The following CNTNAP2 variants were observed in gnomAD, a reference collection of about 807,000 sequenced individuals.
CNTNAP2 encodes the protein contactin-associated protein-like 2.
In CNTNAP2, 98 loss-of-function variants were observed where a neutral mutation model predicts 155.2. The ratio of observed to expected loss-of-function variants is 0.63; its 90% CI spans 0.54 to 0.75. The LOEUF (loss-of-function observed/expected upper bound fraction) is 0.75. Among genes scored for constraint, CNTNAP2 ranks in the 30% least tolerant of loss-of-function variants. The pLI is 0.00. For synonymous variants in CNTNAP2, 651 were observed against 631.2 expected (o/e 1.03, Z -0.47); for missense variants, 1,727 against 1,688.1 (o/e 1.02, Z -0.40).
chr7:147,586,567 G>A (rs78288861), intron 12 of CNTNAP2, among the ~76,000 whole-genome samples: 2,250 of 57,088 alleles, frequency 0.039, 41 homozygotes, highest in East Asian at 0.06. Flanking sequence ...GGGAGGGAGG[G>A]AGGGAGGGAG....
At chr7:147,315,448 T>C (rs1004874284) in intron 9 of CNTNAP2, among the ~76,000 whole-genome samples, 1 of 148,840 alleles carries the variant, frequency 6.7e-6, no homozygotes. Flanking sequence ...ATCTACTACT[T>C]CCTGTCTCTA....
intron 3 of CNTNAP2, among the ~76,000 whole-genome samples, chr7:146,896,400 C>A (rs1023139862): frequency 6.6e-6 from 1 of 152,068 alleles, no homozygotes; most frequent in African/African-American, 2.4e-5. Flanking sequence ...AATTCCCCAA[C>A]CACGTGTACA....
chr7:148,024,255 G>C (rs1802338296), intron 15 of CNTNAP2, among the ~76,000 whole-genome samples: 1 of 151,152 alleles, frequency 6.6e-6, no homozygotes, highest in Admixed American at 6.6e-5. Context: ...ACCACAAGTA[G>C]TTAGAGCTCA....
chr7:146,218,002 C>G (rs1584807324), intron 1 of CNTNAP2, among the ~76,000 whole-genome samples: 2 of 152,094 alleles, frequency 1.3e-5, no homozygotes, highest in African/African-American at 4.8e-5. Context: ...ACTTAAAATA[C>G]ATGTTTTTTA....
At chr7:147,796,717 G>T (rs1797902065) in intron 13 of CNTNAP2, among the ~76,000 whole-genome samples, 1 of 152,150 alleles carries the variant, frequency 6.6e-6, no homozygotes, top group Non-Finnish European at 1.5e-5. Context: ...ACCAAGCACA[G>T]CTGGGCAAGG....
chr7:148,167,145 T>G (rs1585162965), intron 17 of CNTNAP2, among the ~76,000 whole-genome samples: 1 of 152,276 alleles, frequency 6.6e-6, no homozygotes, highest in East Asian at 1.9e-4. Context: ...TTTTATTTAT[T>G]TATTTATTTA....
chr7:147,457,728 A>G (rs1797945138), intron 10 of CNTNAP2, among the ~76,000 whole-genome samples: 1 of 151,904 alleles, frequency 6.6e-6, no homozygotes, highest in African/African-American at 2.4e-5. Context: ...TCTTACAATT[A>G]TATTTTATTT....
intron 13 of CNTNAP2, among the ~76,000 whole-genome samples, chr7:147,745,473 C>T (rs1797023123): frequency 6.6e-6 from 1 of 152,196 alleles, no homozygotes. Context: ...TCCCTGTCAA[C>T]CATCAACCAA....
At chr7:147,568,309 T>G (rs1159898723) in intron 12 of CNTNAP2, among the ~76,000 whole-genome samples, 2 of 152,206 alleles carry the variant, frequency 1.3e-5, no homozygotes, top group Admixed American at 1.3e-4. Context: ...TATTTCTTGC[T>G]AAGTTTGACA....
At chr7:147,525,280 C>T (rs1262083888) in intron 11 of CNTNAP2, among the ~76,000 whole-genome samples, 2 of 152,108 alleles carry the variant, frequency 1.3e-5, no homozygotes. Context: ...TGGCAAATGA[C>T]ATGTGTGTCT....
rs1718602170 is a variant in CNTNAP2 at position 147,865,578 on chromosome 7, G to T, written c.2099-37987G>T. 3.9e-5 allele frequency among the ~76,000 whole-genome samples: 6 copies of T among 152,146 alleles called. No homozygotes were observed. The South Asian group carries it at 1.0e-3, about 26-fold the overall frequency. On this transcript the variant is annotated intron_variant, in intron 13 of 23. Coordinates refer to ENST00000361727, the MANE Select transcript of CNTNAP2 (RefSeq NM_014141.6). ...GTTCTGGACTTTTTTTGATTGGTAGGCTATTAATTATTGCCTCAATTTCAG... is the reference window on the plus strand; with the variant it reads ...GTTCTGGACTTTTTTTGATTGGTAGTCTATTAATTATTGCCTCAATTTCAG...
intron 8 of CNTNAP2, among the ~76,000 whole-genome samples, chr7:147,223,292 C>G (rs961002626): frequency 6.6e-6 from 1 of 152,114 alleles, no homozygotes; most frequent in Non-Finnish European, 1.5e-5. Flanking sequence ...TTTGGGTGCA[C>G]AAATCTATAG....
chr7:147,026,310 CA>C (rs1267347975), intron 3 of CNTNAP2, among the ~76,000 whole-genome samples: 1 of 152,104 alleles, frequency 6.6e-6, no homozygotes, highest in African/African-American at 2.4e-5. Context: ...AAAGAAATGA[CA>C]GTAGAATACT....
intron 12 of CNTNAP2, among the ~76,000 whole-genome samples, chr7:147,613,542 G>C (rs1801226107): frequency 6.6e-6 from 1 of 151,980 alleles, no homozygotes; most frequent in African/African-American, 2.4e-5. Context: ...CTTTCTTTAA[G>C]AAATAATAGA....
intron 15 of CNTNAP2, among the ~76,000 whole-genome samples, chr7:148,039,022 T>C (rs1484650591): frequency 6.6e-6 from 1 of 152,216 alleles, no homozygotes; most frequent in Non-Finnish European, 1.5e-5. Context: ...TCTGTATCTG[T>C]ACATATGAGA....
intron 4 of CNTNAP2, among the ~76,000 whole-genome samples, chr7:147,075,524 A>G (rs1022324127): frequency 6.6e-6 from 1 of 152,122 alleles, no homozygotes; most frequent in African/African-American, 2.4e-5. Flanking sequence ...AATTCATAAG[A>G]TTATGTCCAT....
At chr7:146,155,514 T>A (rs1040272976) in intron 1 of CNTNAP2, among the ~76,000 whole-genome samples, 5 of 152,060 alleles carry the variant, frequency 3.3e-5, no homozygotes, top group Admixed American at 6.6e-5. Flanking sequence ...CTGAACTGAA[T>A]TCAAGTCATA....
chr7:146,545,484 C>T (rs184426706), intron 1 of CNTNAP2, among the ~76,000 whole-genome samples: 3 of 151,732 alleles, frequency 2.0e-5, no homozygotes, highest in African/African-American at 7.2e-5. Context: ...AATGCTATAC[C>T]TCCCCTAGAC....
chr7:147,781,005 A>G (rs1159217990), intron 13 of CNTNAP2, among the ~76,000 whole-genome samples: 1 of 152,136 alleles, frequency 6.6e-6, no homozygotes, highest in East Asian at 1.9e-4. Flanking sequence ...TTCTGGGACA[A>G]ATTTGGTTCT....
Sources: allele counts gnomAD v4.1 joint callset (sites outside exome capture counted in the v4.1 genomes callset), GRCh38; gene constraint gnomAD v4.1.1; transcripts MANE v1.5; gene names NCBI Gene and HGNC (gene_info 2026-07-23, HGNC 2026-07-21).